Variants in CCDC136 observed in about 807,000 individuals in gnomAD.
CCDC136 encodes the protein coiled-coil domain-containing protein 136.
In CCDC136, 100 loss-of-function variants were observed where a neutral mutation model predicts 141.2. The observed-to-expected ratio is 0.71, with a 90% confidence interval of 0.60 to 0.84. The LOEUF (loss-of-function observed/expected upper bound fraction) is 0.84, where lower values mean the gene tolerates loss of function less well. CCDC136 is among the 40% of genes least tolerant of loss of function. The pLI is 0.00. For missense variants in CCDC136, 1,206 were observed against 1,379.4 expected, an observed-to-expected ratio of 0.87 and a Z score of 1.99; for synonymous variants, 474 against 531.9, an observed-to-expected ratio of 0.89 and a Z score of 1.50.
chr7:128,809,633 C>T lies in CCDC136; in HGVS notation c.1789C>T (p.Leu597Phe). The part of the protein sequence containing the change: ...RLTLPLPKSG[L>F]LLKSQELLTK... ...CACACTGCCACTGCCAAAGAGTGGC[C>T]TCTTACTCAAGGTAACTCTGCCACA... Residue 597 changes from leucine (L) to phenylalanine (F), a missense_variant, in exon 11 of 18, where the codon CTC becomes TTC. Physicochemically the swap from Leu to Phe is conservative, Grantham distance 22 (BLOSUM62 0). Transcript: ENST00000297788. The T allele has an allele frequency of 6.5e-7, 1 of 1,529,938 alleles. No homozygotes were observed. The highest frequency in any genetic ancestry group is 8.8e-7 in the Non-Finnish European group (1 of 1,136,540). The allele number at this position is 1,529,938 out of a possible 1,614,324, so 94.8% of individuals were successfully genotyped here. A position where few individuals can be genotyped will look rare whatever the true frequency, so the allele number is the denominator to read the frequency against.
chr7:128,811,144 A>T, intron 12 of CCDC136: 1 of 357,782 alleles, frequency 2.8e-6, no homozygotes, highest in Admixed American at 3.2e-5. Flanking sequence ...AGAACCAGGG[A>T]GTAGCAGAAG....
In CCDC136 at chr7:128,817,981, AGGT is replaced by A. The variant is rs1166331423; in HGVS notation, c.*5+119_*5+121del. On this transcript the variant is annotated intron_variant, in intron 17 of 17. Transcript: ENST00000297788. The surrounding 1 kb of genome is among the most constrained non-coding windows in gnomAD (Gnocchi z 4.6). ...CTTCTTGCTTGTGCCATTTTATAATAGGTGATGCTCAGGTCTGAGTTTTAGTTC... is the reference window on the plus strand; with the variant it reads ...CTTCTTGCTTGTGCCATTTTATAATAGATGCTCAGGTCTGAGTTTTAGTTC... The A allele has an allele frequency of 2.6e-6, 2 of 755,806 alleles. No individual in the cohort carries two copies. Among genetic ancestry groups the A allele is most frequent in the African/African-American group, 3.5e-5 (2 of 57,300 alleles). 46.8% of individuals were successfully genotyped at this position (755,806 alleles called of 1,614,324 possible).
intron 3 of CCDC136, among the ~76,000 whole-genome samples, chr7:128,798,982 A>G (rs76991599): frequency 7.2e-5 from 11 of 151,982 alleles, no homozygotes; most frequent in South Asian, 6.3e-4. Context: ...GCATCTATCT[A>G]TGAAGCGTGT....
chr7:128,819,667 T>A (rs932247544), intron 17 of CCDC136, among the ~76,000 whole-genome samples: 5 of 152,278 alleles, frequency 3.3e-5, no homozygotes, highest in South Asian at 2.1e-4. Context: ...CTATTTTTTT[T>A]TATATATGAT....
intron 14 of CCDC136, among the ~76,000 whole-genome samples, chr7:128,813,648 TG>T (rs1806115819): frequency 6.6e-6 from 1 of 152,176 alleles, no homozygotes; most frequent in African/African-American, 2.4e-5. Context: ...TAATTGTTCC[TG>T]TTAGAGAGAT....
At position 128,809,570 on chromosome 7, in the gene CCDC136, G is replaced by A; in HGVS notation, c.1726G>A (p.Glu576Lys). Residue 576 changes from glutamate to lysine, a missense_variant, in exon 11 of 18, where the codon GAG (glutamate) becomes AAG (lysine). Glu to Lys is a moderately conservative substitution (Grantham distance 56). Transcript: ENST00000297788. Reference sequence around the variant, plus strand: ...CCTGGAGGATCAGAGGAGGATGCAGGAGGAGCAGGGCCAGCTGCAGGAAGA... The same window carrying A: ...CCTGGAGGATCAGAGGAGGATGCAGAAGGAGCAGGGCCAGCTGCAGGAAGA... Reference protein sequence around the residue: ...ELLEDQRRMQEEQGQLQEELH... With the variant: ...ELLEDQRRMQKEQGQLQEELH... 6.4e-7 allele frequency: 1 copy of A among 1,567,582 alleles called. No individual in the cohort carries two copies. The highest frequency in any genetic ancestry group is 8.6e-7 in the Non-Finnish European group (1 of 1,156,782).
chr7:128,796,180 T>C (rs146799147), intron 3 of CCDC136, among the ~76,000 whole-genome samples: 3 of 152,314 alleles, frequency 2.0e-5, no homozygotes, highest in African/African-American at 7.2e-5. Flanking sequence ...TTCACCATGT[T>C]GGCCAGGCTG....
intron 4 of CCDC136, among the ~76,000 whole-genome samples, chr7:128,802,062 C>T (rs904149360): frequency 6.6e-6 from 1 of 152,196 alleles, no homozygotes; most frequent in Non-Finnish European, 1.5e-5. Context: ...TCTGGCCCTG[C>T]TTCCAGGTGC....
Position 128,794,180 on chromosome 7 carries a change from C to A in CCDC136, c.17-168C>A. ...GGGCTGCTTCTCAACTTGACTCTCA[C>A]ACCTGAGGACTCATCTTGAGTACAG... On this transcript the variant is annotated intron_variant, in intron 1 of 17. Coordinates refer to ENST00000297788, the MANE Select transcript of CCDC136 (RefSeq NM_022742.5). The surrounding 1 kb of genome is among the most constrained non-coding windows in gnomAD (Gnocchi z 4.3). 1.2e-6 allele frequency: 1 copy of A among 858,034 alleles called. No homozygotes were observed. 53.2% of individuals were successfully genotyped at this position (858,034 alleles called of 1,614,324 possible).
rs1184976620 is a variant in CCDC136, at chr7:128,817,558, G to A, written c.3364-200G>A. Among the ~76,000 whole-genome samples, 1 of 152,116 alleles carries A rather than the reference G, an allele frequency of 6.6e-6. No homozygotes were observed. Among genetic ancestry groups the A allele is most frequent in the African/African-American group, 2.4e-5 (1 of 41,420 alleles). ...TAACCCATTCAATTTTGCAATTCCT[G>A]CAGACTGCCGGTGGAAAGAACCAAG... On this transcript the variant is annotated intron_variant, in intron 16 of 17. Transcript: ENST00000297788. This position sits in a 1 kb window ranked among gnomAD's most constrained non-coding sequence, Gnocchi z 4.6.
Position 128,812,920 on chromosome 7 carries a change from C to T in CCDC136, c.2754C>T (p.Asp918=), listed in dbSNP as rs374799375. Residue 918 remains aspartate, a synonymous_variant, in exon 14 of 18, where the codon GAC becomes GAT. Coordinates refer to ENST00000297788, the MANE Select transcript of CCDC136 (RefSeq NM_022742.5). ...AAAAGCCCATGGCCCCCCAGAACGA[C>T]AAGAATGAGGTAACCACTGTCAGGG... is the stretch of plus-strand genomic sequence containing the variant. ...CLEKPMAPQN[D]KNEIKELQTK... 3 of 1,605,172 alleles carry T rather than the reference C, an allele frequency of 1.9e-6. No homozygotes were observed. The African/African-American group carries it at 4.0e-5, about 21-fold the overall frequency.
Position 128,812,004 on chromosome 7 carries a change from G to C in CCDC136, c.2233G>C (p.Gly745Arg), listed in dbSNP as rs760434004. The change falls in exon 13 of 18, where the codon GGG becomes CGG. Residue 745 changes from glycine (G) to arginine (R), a missense_variant. By Grantham distance (125) the Gly-to-Arg change is moderately radical. Transcript: ENST00000297788. Reference protein sequence around the residue: ...PSIKMSLESYGKSYGSMVPSN... With the variant: ...PSIKMSLESYRKSYGSMVPSN... ...TATAAAAATGAGCCTTGAGTCCTACGGGAAGAGCTATGGTAGCATGGTCCC... is the reference window on the plus strand; with the variant it reads ...TATAAAAATGAGCCTTGAGTCCTACCGGAAGAGCTATGGTAGCATGGTCCC... The C allele has an allele frequency of 6.2e-7, 1 of 1,613,854 alleles. No homozygotes were observed. The highest frequency in any genetic ancestry group is 2.2e-5 in the East Asian group (1 of 44,894).
upstream of CCDC136, chr7:128,791,400 GCCCT>G (rs959068039): frequency 2.1e-4 from 193 of 904,000 alleles, no homozygotes; most frequent in South Asian, 8.3e-4. The surrounding 1 kb of genome is among the most constrained non-coding windows in gnomAD (Gnocchi z 7.1). Context: ...CCCCTCGTCC[GCCCT>G]CCCTCCCTCC....
intron 17 of CCDC136, among the ~76,000 whole-genome samples, chr7:128,820,132 G>T (rs779029340): frequency 1.8e-4 from 27 of 152,130 alleles, no homozygotes; most frequent in Non-Finnish European, 3.5e-4. Flanking sequence ...ATCTACAGGG[G>T]TGGCAAGCCC....
intron 8 of CCDC136, 98 bp downstream of exon 8, chr7:128,806,493 C>A: frequency 8.1e-7 from 1 of 1,240,100 alleles, no homozygotes; most frequent in Non-Finnish European, 1.1e-6. Flanking sequence ...AAAAATAATT[C>A]CAGCAACCAC....
intron 8 of CCDC136, 144 bp downstream of exon 8, chr7:128,806,539 C>T: frequency 1.9e-6 from 2 of 1,054,210 alleles, no homozygotes. Context: ...TCCAGCCCTG[C>T]TCGAGTACTA....
In CCDC136 at chr7:128,806,474, T is replaced by C. The variant is rs1804853732; in HGVS notation, c.1248+79T>C. The C allele has an allele frequency of 2.4e-5, 33 of 1,367,088 alleles. No individual in the cohort carries two copies. The South Asian group carries it at 4.3e-4, about 18-fold the overall frequency. 84.7% of individuals were successfully genotyped at this position (1,367,088 alleles called of 1,614,324 possible). A position where few individuals can be genotyped will look rare whatever the true frequency, so the allele number is the denominator to read the frequency against. On this transcript the variant is annotated intron_variant, in intron 8 of 17. Transcript: ENST00000297788. ...AGGTTTTGGGGAAGGTGGATAAGAG[T>C]AGTGAGTTAAAAATAATTCCAGCAA... is the stretch of plus-strand genomic sequence containing the variant.
At chr7:128,806,520 G>A (rs754918665) in intron 8 of CCDC136, 125 bp downstream of exon 8, 22 of 1,093,882 alleles carry the variant, frequency 2.0e-5, no homozygotes, top group East Asian at 5.2e-5. Flanking sequence ...AGCACCACAG[G>A]TAAAGAACTC....
chr7:128,817,907 G>T lies in CCDC136; in HGVS notation c.*5+43G>T, dbSNP rs749205741. On this transcript the variant is annotated intron_variant, in intron 17 of 17. Coordinates refer to ENST00000297788, the MANE Select transcript of CCDC136 (RefSeq NM_022742.5). This position sits in a 1 kb window ranked among gnomAD's most constrained non-coding sequence, Gnocchi z 4.6. Reference sequence around the variant, plus strand: ...TCTCCTTCTGAGGGATAGAGGGAGGGTGCAGGTTGCCCTGGCCTCTCCTCT... The same window carrying T: ...TCTCCTTCTGAGGGATAGAGGGAGGTTGCAGGTTGCCCTGGCCTCTCCTCT... The T allele has an allele frequency of 1.3e-6, 2 of 1,506,150 alleles. No individual in the cohort carries two copies. Among genetic ancestry groups the T allele is most frequent in the Non-Finnish European group, 1.8e-6 (2 of 1,083,606 alleles). 93.3% of individuals were successfully genotyped at this position (1,506,150 alleles called of 1,614,324 possible).
Sources: gnomAD v4.1 joint callset for allele counts (sites outside exome capture counted in the v4.1 genomes callset) on GRCh38, gnomAD v4.1.1 for gene constraint, Gnocchi (gnomAD v3.1) non-coding constraint, MANE v1.5 for transcripts, NCBI Gene and HGNC (gene_info 2026-07-23, HGNC 2026-07-21) for gene names.